Variants in SNX29 observed in about 807,000 individuals in gnomAD.
The protein encoded by SNX29 is sorting nexin-29.
Under a neutral mutation model 102.1 loss-of-function variants are expected in SNX29, and 78 were observed. The observed-to-expected ratio is 0.76, with a 90% CI of 0.64 to 0.92. SNX29 has a LOEUF of 0.92. Among genes scored for constraint, SNX29 ranks in the 40% least tolerant of loss-of-function variants. SNX29 has a pLI of 0.00. For missense variants in SNX29, 1,280 were observed against 1,061.7 expected, an observed-to-expected ratio of 1.21 and a Z score of -2.86; for synonymous variants, 580 against 414.5, an observed-to-expected ratio of 1.40 and a Z score of -4.85.
chr16:12,523,629 C>T (rs1187602973), intron 19 of SNX29, among the ~76,000 whole-genome samples: 4 of 152,208 alleles, frequency 2.6e-5, no homozygotes, highest in Non-Finnish European at 4.4e-5. Flanking sequence ...GCTCACCACG[C>T]AGTCCCAGTG....
At chr16:12,502,503 C>G (rs548429058) in intron 19 of SNX29, among the ~76,000 whole-genome samples, 4 of 152,072 alleles carry the variant, frequency 2.6e-5, no homozygotes, top group Admixed American at 6.6e-5. Flanking sequence ...AATGCCACCC[C>G]CCAACTCTGA....
intron 16 of SNX29, among the ~76,000 whole-genome samples, chr16:12,397,897 A>C (rs4781223): frequency 6.6e-6 from 1 of 151,810 alleles, no homozygotes; most frequent in African/African-American, 2.4e-5. Flanking sequence ...GGGGTCCACC[A>C]TGCCACACAG....
intron 18 of SNX29, among the ~76,000 whole-genome samples, chr16:12,457,269 A>G (rs1288625850): frequency 1.3e-5 from 2 of 152,150 alleles, no homozygotes; most frequent in Admixed American, 6.5e-5. Context: ...CGCTCTATAG[A>G]TGCTAAAACT....
chr16:12,293,644 C>T (rs898490506), intron 15 of SNX29, among the ~76,000 whole-genome samples: 3 of 152,174 alleles, frequency 2.0e-5, no homozygotes, highest in Non-Finnish European at 2.9e-5. Context: ...CAACTAATAG[C>T]GTGCTTTCAT....
chr16:12,122,835 A>T (rs1023143321), intron 11 of SNX29, among the ~76,000 whole-genome samples: 12 of 151,684 alleles, frequency 7.9e-5, no homozygotes, highest in Admixed American at 2.0e-4. Context: ...TTTAAAAAAA[A>T]TTTTTTTTCT....
intron 9 of SNX29, among the ~76,000 whole-genome samples, chr16:12,068,402 C>A (rs371403984): frequency 6.6e-6 from 1 of 150,572 alleles, no homozygotes; most frequent in Non-Finnish European, 1.5e-5. Flanking sequence ...GTGGGAGGAC[C>A]ACTGGAGCCT....
intron 15 of SNX29, among the ~76,000 whole-genome samples, chr16:12,351,113 G>A (rs920421915): frequency 6.6e-6 from 1 of 152,154 alleles, no homozygotes; most frequent in African/African-American, 2.4e-5. Context: ...ACCTCCCTTT[G>A]CCTCATTGGT....
At chr16:12,366,168 G>T (rs950133163) in intron 16 of SNX29, among the ~76,000 whole-genome samples, 1 of 151,892 alleles carries the variant, frequency 6.6e-6, no homozygotes, top group Non-Finnish European at 1.5e-5. Flanking sequence ...AAAACTGTTG[G>T]ATTAGAGATA....
chr16:12,468,095 C>A (rs1376838923), intron 18 of SNX29, among the ~76,000 whole-genome samples: 1 of 151,908 alleles, frequency 6.6e-6, no homozygotes, highest in Admixed American at 6.6e-5. Flanking sequence ...TTACACGAGC[C>A]CCTGCCACAT....
At chr16:12,532,577 C>G (rs559163093) in intron 20 of SNX29, among the ~76,000 whole-genome samples, 26 of 152,298 alleles carry the variant, frequency 1.7e-4, no homozygotes, top group East Asian at 1.2e-3. Context: ...TCTGACTTCA[C>G]CATCTGAAAT....
intron 19 of SNX29, among the ~76,000 whole-genome samples, chr16:12,521,158 C>T (rs898549248): frequency 4.1e-4 from 62 of 151,898 alleles, no homozygotes; most frequent in African/African-American, 1.2e-3. Context: ...GCACCCTGGG[C>T]GACAGAGTGA....
intron 8 of SNX29, among the ~76,000 whole-genome samples, chr16:12,053,723 C>A (rs1037221692): frequency 6.7e-6 from 1 of 149,672 alleles, no homozygotes; most frequent in African/African-American, 2.5e-5. Flanking sequence ...TTACTCTAGT[C>A]CTCATCTGCA....
intron 17 of SNX29, among the ~76,000 whole-genome samples, chr16:12,401,426 G>A (rs2083938371): frequency 7.4e-6 from 1 of 135,236 alleles, no homozygotes; most frequent in South Asian, 2.3e-4. Context: ...GTGCAGTGGT[G>A]TGACCTTGGC....
chr16:12,321,888 G>C (rs1193449898), intron 15 of SNX29, among the ~76,000 whole-genome samples: 1 of 152,186 alleles, frequency 6.6e-6, no homozygotes, highest in East Asian at 1.9e-4. Flanking sequence ...AGCTGTGCCA[G>C]GGAGGTGGCC....
intron 10 of SNX29, among the ~76,000 whole-genome samples, chr16:12,077,136 A>G (rs1322591045): frequency 6.6e-6 from 1 of 152,130 alleles, no homozygotes; most frequent in Admixed American, 6.6e-5. Context: ...AAAATTATCC[A>G]GATGTGGTGG....
chr16:12,427,477 C>T (rs1045620073), intron 18 of SNX29, among the ~76,000 whole-genome samples: 1 of 151,612 alleles, frequency 6.6e-6, no homozygotes, highest in Non-Finnish European at 1.5e-5. Flanking sequence ...CTCAGTTTAC[C>T]TTGAAGCCAG....
intron 18 of SNX29, among the ~76,000 whole-genome samples, chr16:12,433,232 A>G (rs1207815591): frequency 6.6e-6 from 1 of 152,202 alleles, no homozygotes; most frequent in Non-Finnish European, 1.5e-5. Context: ...GAGAAAAGAA[A>G]TGTCTTGAGG....
chr16:12,483,114 G>GTTTCTGT, intron 19 of SNX29, among the ~76,000 whole-genome samples: 1 of 66,196 alleles, frequency 1.5e-5, no homozygotes, highest in Non-Finnish European at 2.8e-5. Context: ...AAGTTATTAA[G>GTTTCTGT]TTTTTTTTTT....
intron 11 of SNX29, among the ~76,000 whole-genome samples, chr16:12,113,934 T>C (rs2053590289): frequency 2.6e-5 from 4 of 152,240 alleles, no homozygotes. Flanking sequence ...AAGATGAGCT[T>C]GTGTAACCTC....
Sources: gnomAD v4.1 joint callset for allele counts (sites outside exome capture counted in the v4.1 genomes callset) on GRCh38, gnomAD v4.1.1 for gene constraint, MANE v1.5 for transcripts, NCBI Gene and HGNC (gene_info 2026-07-23, HGNC 2026-07-21) for gene names.